The following ARHGAP6 variants were observed in gnomAD, a reference collection of about 807,000 sequenced individuals.
ARHGAP6 encodes Rho GTPase activating protein 6.
In ARHGAP6, 16 loss-of-function variants were observed where a neutral mutation model predicts 55.7. The observed-to-expected ratio is 0.29, with a 90% CI of 0.19 to 0.44. The LOEUF (loss-of-function observed/expected upper bound fraction) is 0.44, where lower values mean the gene tolerates loss of function less well. ARHGAP6 is among the 20% of genes least tolerant of loss of function. ARHGAP6 has a pLI of 1.00. For missense variants in ARHGAP6, 698 were observed against 808.9 expected, an observed-to-expected ratio of 0.86 and a Z score of 1.66; for synonymous variants, 382 against 360.9, an observed-to-expected ratio of 1.06 and a Z score of -0.66.
chrX:11,146,191 G>A (rs769006906), intron 10 of ARHGAP6, among the ~76,000 whole-genome samples: 2 of 112,436 alleles, frequency 1.8e-5, no homozygotes, highest in Admixed American at 9.4e-5. Context: ...TGAATGTAGT[G>A]TAGTCCCATT....
chrX:11,170,021 C>A (rs7063098), intron 8 of ARHGAP6, among the ~76,000 whole-genome samples: 1 of 111,548 alleles, frequency 9.0e-6, no homozygotes, highest in African/African-American at 3.3e-5. Flanking sequence ...TTTCTCCATC[C>A]ATCCCTTCAT....
intron 1 of ARHGAP6, chrX:11,367,883 A>C: frequency 1.7e-6 from 1 of 595,294 alleles, no homozygotes; most frequent in Non-Finnish European, 2.0e-6. Context: ...CAACAAGGTC[A>C]ATTCTTGCCC....
chrX:11,652,851 G>T (rs1417923020), intron 1 of ARHGAP6, among the ~76,000 whole-genome samples: 1 of 112,158 alleles, frequency 8.9e-6, no homozygotes, highest in Non-Finnish European at 1.9e-5. Flanking sequence ...GTTTGGAATA[G>T]ACAGAAGACC....
In ARHGAP6 at chrX:11,139,039, G is replaced by T; in HGVS notation, c.2749C>A (p.Arg917=). ...TTTTTCTGCGTGACCTGCTGCTCTC[G>T]CTCGGCTGCTTGGCCTCCCTGGTCC... is the stretch of plus-strand genomic sequence containing the variant. ...PTDQGGQAAE[R]EQQVTQKKLS... The change falls in exon 13 of 13, where the codon CGA becomes AGA. Residue 917 remains arginine, a synonymous_variant. Transcript: ENST00000337414. 2 of 1,207,551 alleles carry T rather than the reference G, an allele frequency of 1.7e-6. No individual in the cohort carries two copies. Among genetic ancestry groups the T allele is most frequent in the Non-Finnish European group, 2.2e-6 (2 of 893,975 alleles).
intron 1 of ARHGAP6, among the ~76,000 whole-genome samples, chrX:11,384,677 A>G (rs1853665972): frequency 8.9e-6 from 1 of 112,222 alleles, no homozygotes; most frequent in Non-Finnish European, 1.9e-5. Flanking sequence ...TTGGCTACAC[A>G]GGAAAATCAC....
chrX:11,311,682 T>C (rs5935004), intron 1 of ARHGAP6, among the ~76,000 whole-genome samples: 2,480 of 111,042 alleles, frequency 0.022, 31 homozygotes, highest in Middle Eastern at 0.064. Flanking sequence ...GAAGGCTTCC[T>C]GTCTAAGGAT....
At chrX:11,523,488 A>G (rs1187641717) in intron 1 of ARHGAP6, among the ~76,000 whole-genome samples, 2 of 112,102 alleles carry the variant, frequency 1.8e-5, no homozygotes, top group African/African-American at 6.5e-5. Context: ...AGAATATCCC[A>G]TCGTCTCAGC....
chrX:11,275,464 C>G (rs1358296604), intron 1 of ARHGAP6, among the ~76,000 whole-genome samples: 4 of 111,578 alleles, frequency 3.6e-5, no homozygotes, highest in Non-Finnish European at 7.5e-5. Context: ...TATGTCTCTC[C>G]TACTCACACT....
At chrX:11,274,217 A>G (rs1419784300) in intron 1 of ARHGAP6, among the ~76,000 whole-genome samples, 1 of 112,055 alleles carries the variant, frequency 8.9e-6, no homozygotes, top group Non-Finnish European at 1.9e-5. Context: ...TTGTAACTTA[A>G]TTATTATAGG....
chrX:11,218,849 CTCTTT>C (rs1259197738), intron 2 of ARHGAP6, among the ~76,000 whole-genome samples: 2 of 109,003 alleles, frequency 1.8e-5, no homozygotes, highest in Non-Finnish European at 3.8e-5. Flanking sequence ...TGATTCTTGT[CTCTTT>C]TCTTGTTTAA....
chrX:11,525,219 C>T (rs370997148), intron 1 of ARHGAP6, among the ~76,000 whole-genome samples: 2 of 111,833 alleles, frequency 1.8e-5, no homozygotes, highest in South Asian at 7.5e-4. Flanking sequence ...TCCCTGACTC[C>T]GGTTGTTGGC....
intron 1 of ARHGAP6, among the ~76,000 whole-genome samples, chrX:11,330,384 T>G (rs2147633226): frequency 8.9e-6 from 1 of 112,233 alleles, no homozygotes; most frequent in South Asian, 3.7e-4. Flanking sequence ...GTATTCAAAA[T>G]TCATAACATC....
chrX:11,458,355 T>C (rs1397707405), intron 1 of ARHGAP6, among the ~76,000 whole-genome samples: 1 of 112,265 alleles, frequency 8.9e-6, no homozygotes, highest in Non-Finnish European at 1.9e-5. Context: ...AGGGCAGGAA[T>C]AAGGAATTGG....
At chrX:11,389,648 T>C (rs2049377755) in intron 1 of ARHGAP6, among the ~76,000 whole-genome samples, 1 of 112,646 alleles carries the variant, frequency 8.9e-6, no homozygotes, top group Admixed American at 9.4e-5. Context: ...TTACATGTCC[T>C]AAATAATACA....
At chrX:11,312,806 A>G (rs1490283600) in intron 1 of ARHGAP6, among the ~76,000 whole-genome samples, 1 of 111,166 alleles carries the variant, frequency 9.0e-6, no homozygotes, top group Admixed American at 9.6e-5. Flanking sequence ...CTTTTAATCT[A>G]TTACCAACTT....
At chrX:11,235,493 A>T (rs1456613333) in intron 2 of ARHGAP6, among the ~76,000 whole-genome samples, 2 of 111,741 alleles carry the variant, frequency 1.8e-5, no homozygotes, top group Non-Finnish European at 3.8e-5. Context: ...CTTGGTGGTT[A>T]GCATTTGGCT....
At chrX:11,224,579 C>T (rs1266910485) in intron 2 of ARHGAP6, among the ~76,000 whole-genome samples, 1 of 110,935 alleles carries the variant, frequency 9.0e-6, no homozygotes, top group African/African-American at 3.3e-5. Flanking sequence ...GCAAGAGTAA[C>T]TTTAGGGTTG....
intron 1 of ARHGAP6, among the ~76,000 whole-genome samples, chrX:11,446,460 C>G (rs1033312190): frequency 8.9e-6 from 1 of 111,756 alleles, no homozygotes; most frequent in Non-Finnish European, 1.9e-5. Flanking sequence ...TCCTTAATTG[C>G]TTTTCACTCC....
chrX:11,354,367 A>G (rs1447677403), intron 1 of ARHGAP6, among the ~76,000 whole-genome samples: 7 of 85,183 alleles, frequency 8.2e-5, no homozygotes, highest in Non-Finnish European at 1.5e-4. Context: ...GTTCATCAGC[A>G]TCATCATAAT....
Sources: allele counts gnomAD v4.1 joint callset (sites outside exome capture counted in the v4.1 genomes callset), GRCh38; gene constraint gnomAD v4.1.1; transcripts MANE v1.5; gene names NCBI Gene and HGNC (gene_info 2026-07-23, HGNC 2026-07-21).